MYO1F: variants seen among roughly 807,000 people sequenced by gnomAD.
MYO1F encodes the protein unconventional myosin-If.
MYO1F carries 60 observed loss-of-function variants against 146.6 expected under a neutral mutation model. That is an observed-to-expected ratio of 0.41 (90% confidence interval 0.33 to 0.51). The LOEUF (loss-of-function observed/expected upper bound fraction) is 0.51. Among genes scored for constraint, MYO1F ranks in the 20% least tolerant of loss-of-function variants. The pLI, the probability that MYO1F is intolerant of heterozygous loss-of-function variation, is 0.25. For synonymous variants in MYO1F, 602 were observed against 602.1 expected (o/e 1.00, Z 0.00); for missense variants, 1,274 against 1,534.3 (o/e 0.83, Z 2.83).
intron 1 of MYO1F, among the ~76,000 whole-genome samples, chr19:8,576,224 C>G (rs1460862591): frequency 1.3e-5 from 2 of 152,176 alleles, no homozygotes; most frequent in Non-Finnish European, 2.9e-5. Context: ...GTCTCGAACA[C>G]CTGACCTCAA....
At chr19:8,522,054 G>A (rs1199981715) in intron 27 of MYO1F, among the ~76,000 whole-genome samples, 2 of 145,168 alleles carry the variant, frequency 1.4e-5, no homozygotes, top group African/African-American at 5.2e-5. Context: ...ACGGAGTCTC[G>A]CTCTATCGCC....
chr19:8,569,964 GC>G (rs2042078835), intron 1 of MYO1F, among the ~76,000 whole-genome samples: 1 of 152,110 alleles, frequency 6.6e-6, no homozygotes, highest in Non-Finnish European at 1.5e-5. Context: ...AGGTTGGAAG[GC>G]AGTGGTTTGA....
At position 8,553,090 on chromosome 19, in the gene MYO1F, G is replaced by C. The variant is rs768663451; in HGVS notation, c.504+49C>G. ...GTATGTGTGGGTGTGTGTGTAGAAA[G>C]GTCAGCACGGAGGGAGCAGCTGCTC... On this transcript the variant is annotated intron_variant, in intron 6 of 27. Coordinates refer to ENST00000644032, the MANE Select transcript of MYO1F (RefSeq NM_012335.4). The C allele has an allele frequency of 9.7e-6, 15 of 1,546,244 alleles. No individual in the cohort carries two copies. The African/African-American group carries it at 1.6e-4, about 17-fold the overall frequency.
At chr19:8,561,708 T>C (rs1263526365) in intron 1 of MYO1F, among the ~76,000 whole-genome samples, 1 of 150,902 alleles carries the variant, frequency 6.6e-6, no homozygotes, top group Non-Finnish European at 1.5e-5. Context: ...CTTCCTCCTT[T>C]TTTTCTATCT....
At chr19:8,548,454 G>A (rs1024146154) in intron 10 of MYO1F, 137 bp from the exon 11 acceptor site, 8 of 776,550 alleles carry the variant, frequency 1.0e-5, no homozygotes, top group South Asian at 3.0e-5. Flanking sequence ...GCCCTCTTTA[G>A]CTCTGCCCTT....
Position 8,530,525 on chromosome 19 carries a change from G to A in MYO1F, c.2092C>T (p.Arg698Ter), listed in dbSNP as rs772755394. The change falls in exon 20 of 28, where the codon CGA becomes TGA. Residue 698 changes from arginine (R) to a stop codon, truncating the protein, a stop_gained. Coordinates refer to ENST00000644032, the MANE Select transcript of MYO1F (RefSeq NM_012335.4). LOFTEE classifies it high-confidence loss of function. This position sits in a 1 kb window ranked among gnomAD's most constrained non-coding sequence, Gnocchi z 5.8. ...CGCCGCCAGGCCTTCTGGATGGTTC[G>A]GGCAAAGCCATCGAACTTTCGCTCT... ...VRERKFDGFA[R>*]TIQKAWRRHV... 6.8e-6 allele frequency: 11 copies of A among 1,613,460 alleles called. No homozygotes were observed. The highest frequency in any genetic ancestry group is 9.3e-6 in the Non-Finnish European group (11 of 1,180,028).
intron 4 of MYO1F, among the ~76,000 whole-genome samples, chr19:8,553,894 A>ACACTCTCT: frequency 5.1e-4 from 52 of 102,662 alleles, no homozygotes; most frequent in South Asian, 2.3e-3. Flanking sequence ...ACACACACAC[A>ACACTCTCT]CTCTCTCTCT....
chr19:8,526,957 CG>C, intron 22 of MYO1F, 22 bp from the exon 23 acceptor site: 1 of 1,612,652 alleles, frequency 6.2e-7, no homozygotes, highest in Non-Finnish European at 8.5e-7. Flanking sequence ...CGGGTGAGAG[CG>C]TCAGGTGGGA....
chr19:8,561,471 T>C (rs1974120349), intron 1 of MYO1F, among the ~76,000 whole-genome samples: 2 of 97,604 alleles, frequency 2.0e-5, no homozygotes, highest in Admixed American at 2.4e-4. Flanking sequence ...TCTCTCTCTC[T>C]TTCTTTTTCT....
At position 8,577,029 on chromosome 19, in the gene MYO1F, CTG is replaced by C. The variant is rs1731760030; in HGVS notation, c.3+276_3+277del. The C allele has an allele frequency of 2.7e-5, 16 of 597,636 alleles. No individual in the cohort carries two copies. Among genetic ancestry groups the C allele is most frequent in the South Asian group, 7.9e-5 (4 of 50,918 alleles). The allele number at this position is 597,636 out of a possible 1,614,324, so 37.0% of individuals were successfully genotyped here. A position where few individuals can be genotyped will look rare whatever the true frequency, so the allele number is the denominator to read the frequency against. ...GGCTATGTCCTTGTCCCTGCAGACT[CTG>C]TGATTCTCCCTGGGCCACCTTCTGT... On this transcript the variant is annotated intron_variant, in intron 1 of 27. Transcript: ENST00000644032. The surrounding 1 kb of genome is among the most constrained non-coding windows in gnomAD (Gnocchi z 4.3).
chr19:8,574,999 G>A (rs1451833695), intron 1 of MYO1F, among the ~76,000 whole-genome samples: 1 of 150,910 alleles, frequency 6.6e-6, no homozygotes, highest in Admixed American at 6.6e-5. Context: ...CAGGTGATCC[G>A]CCCACCTCGG....
At position 8,526,567 on chromosome 19, in the gene MYO1F, C is replaced by T. The variant is rs1972277268; in HGVS notation, c.2656G>A (p.Gly886Ser). 3 of 1,597,978 alleles carry T rather than the reference C, an allele frequency of 1.9e-6. No homozygotes were observed. Among genetic ancestry groups the T allele is most frequent in the Non-Finnish European group, 1.7e-6 (2 of 1,174,538 alleles). Reference protein sequence around the residue: ...QFRVKKEGWGGGGTRSVTFSR... With the variant: ...QFRVKKEGWGSGGTRSVTFSR... ...AAGGTGACGCTGCGGGTGCCGCCAC[C>T]GCCCCAGCCCTCCTTCTTCACCCGA... Residue 886 changes from glycine (G) to serine (S), a missense_variant, in exon 24 of 28, where the codon GGT becomes AGT. Coordinates refer to ENST00000644032, the MANE Select transcript of MYO1F (RefSeq NM_012335.4).
intron 13 of MYO1F, 179 bp downstream of exon 13, chr19:8,545,471 G>A (rs1050714021): frequency 1.0e-5 from 7 of 683,638 alleles, no homozygotes; most frequent in South Asian, 3.2e-5. Context: ...ACAAGTAGGC[G>A]GAATGAATGG....
intron 10 of MYO1F, among the ~76,000 whole-genome samples, chr19:8,549,097 T>A (rs1333762121): frequency 6.7e-6 from 1 of 149,158 alleles, no homozygotes; most frequent in Non-Finnish European, 1.5e-5. Flanking sequence ...ATTACAGGCA[T>A]GCGCCACCAC....
intron 1 of MYO1F, among the ~76,000 whole-genome samples, chr19:8,575,084 T>C (rs559578446): frequency 6.7e-5 from 10 of 150,188 alleles, no homozygotes; most frequent in South Asian, 6.3e-4. Flanking sequence ...TTTTCTTTTT[T>C]TTTTTTTTTT....
chr19:8,543,693 G>GA (rs1973099437), intron 14 of MYO1F, among the ~76,000 whole-genome samples: 3 of 20,934 alleles, frequency 1.4e-4, no homozygotes, highest in Non-Finnish European at 2.1e-4. Flanking sequence ...GGTGGTGGTG[G>GA]TGGTGGTGGT....
intron 21 of MYO1F, among the ~76,000 whole-genome samples, chr19:8,527,994 C>T (rs923456342): frequency 5.3e-5 from 8 of 151,196 alleles, no homozygotes; most frequent in Admixed American, 1.3e-4. Context: ...GAGGCCGAGG[C>T]GGGCAGATCA....
At chr19:8,575,151 A>G (rs1286438194) in intron 1 of MYO1F, among the ~76,000 whole-genome samples, 1 of 146,030 alleles carries the variant, frequency 6.8e-6, no homozygotes, top group Non-Finnish European at 1.5e-5. Context: ...ATCTTGGCTC[A>G]CTGCAACCTC....
At chr19:8,539,301 C>T (rs1306496747) in intron 16 of MYO1F, among the ~76,000 whole-genome samples, 1 of 152,076 alleles carries the variant, frequency 6.6e-6, no homozygotes, top group Non-Finnish European at 1.5e-5. Flanking sequence ...GTAATCCCAG[C>T]TACTTGGGAG....
Sources: gnomAD v4.1 joint callset for allele counts (sites outside exome capture counted in the v4.1 genomes callset) on GRCh38, gnomAD v4.1.1 for gene constraint, Gnocchi (gnomAD v3.1) non-coding constraint, MANE v1.5 for transcripts, NCBI Gene and HGNC (gene_info 2026-07-23, HGNC 2026-07-21) for gene names.